DOK6: variants seen among roughly 807,000 people sequenced by gnomAD.
The protein encoded by DOK6 is downstream of tyrosine kinase 6.
DOK6 carries 22 observed loss-of-function variants against 44.0 expected under a neutral mutation model. The observed-to-expected ratio is 0.50, with a 90% confidence interval of 0.36 to 0.71. The LOEUF (loss-of-function observed/expected upper bound fraction) is 0.71. Ranked by LOEUF, DOK6 falls within the 30% of genes least tolerant of loss-of-function variation. The pLI is 0.00. For missense variants in DOK6, 340 were observed against 416.4 expected (o/e 0.82, Z 1.60); for synonymous variants, 166 against 145.5 (o/e 1.14, Z -1.01).
chr18:69,555,412 G>C (rs1019143852), intron 1 of DOK6, among the ~76,000 whole-genome samples: 1 of 152,132 alleles, frequency 6.6e-6, no homozygotes, highest in Non-Finnish European at 1.5e-5. Flanking sequence ...GAATCTGCCT[G>C]ATTTTGGGAT....
chr18:69,749,218 G>A (rs765728820), intron 6 of DOK6, among the ~76,000 whole-genome samples: 1 of 152,010 alleles, frequency 6.6e-6, no homozygotes, highest in Non-Finnish European at 1.5e-5. Flanking sequence ...CTAGGTGATG[G>A]GTTGATAGCT....
At chr18:69,683,334 G>C (rs1057045331) in intron 4 of DOK6, among the ~76,000 whole-genome samples, 1 of 152,172 alleles carries the variant, frequency 6.6e-6, no homozygotes, top group Non-Finnish European at 1.5e-5. Flanking sequence ...TATCACAATT[G>C]TGTCCCTTCC....
chr18:69,693,076 A>T (rs542136968), intron 4 of DOK6, among the ~76,000 whole-genome samples: 3 of 152,204 alleles, frequency 2.0e-5, no homozygotes, highest in Non-Finnish European at 2.9e-5. Context: ...TAAGAGGAAG[A>T]CAAGCTAAAA....
chr18:69,459,003 G>A (rs1240763314), intron 1 of DOK6, among the ~76,000 whole-genome samples: 1 of 151,840 alleles, frequency 6.6e-6, no homozygotes, highest in African/African-American at 2.4e-5. Flanking sequence ...GGCTGAGGCA[G>A]GAGAATTGCT....
intron 7 of DOK6, among the ~76,000 whole-genome samples, chr18:69,825,479 A>C (rs1981714984): frequency 8.2e-6 from 1 of 122,520 alleles, no homozygotes; most frequent in Admixed American, 1.1e-4. Context: ...TCTGTCACCC[A>C]GACTGGAATG....
intron 2 of DOK6, among the ~76,000 whole-genome samples, chr18:69,580,891 A>G (rs1284278437): frequency 6.6e-6 from 1 of 151,926 alleles, no homozygotes; most frequent in East Asian, 1.9e-4. Flanking sequence ...TATGAGCTCA[A>G]CTTTTTAGTT....
chr18:69,667,840 G>A (rs1599252789), intron 3 of DOK6, among the ~76,000 whole-genome samples: 1 of 152,034 alleles, frequency 6.6e-6, no homozygotes, highest in South Asian at 2.1e-4. Context: ...TTAGTTCCGT[G>A]ACTTTAAAAG....
chr18:69,466,125 T>C (rs142956153), intron 1 of DOK6, among the ~76,000 whole-genome samples: 122 of 152,310 alleles, frequency 8.0e-4, no homozygotes, highest in African/African-American at 2.6e-3. Context: ...ATTCATCCTG[T>C]CTAGCTGAAA....
At chr18:69,543,501 C>T (rs1599182846) in intron 1 of DOK6, among the ~76,000 whole-genome samples, 1 of 151,500 alleles carries the variant, frequency 6.6e-6, no homozygotes, top group African/African-American at 2.4e-5. Context: ...TTCTTTTTTT[C>T]CCCCAAGTCC....
At chr18:69,696,543 T>C (rs12958888) in intron 4 of DOK6, among the ~76,000 whole-genome samples, 58,863 of 152,002 alleles carry the variant, frequency 0.39, 11,715 homozygotes, top group Middle Eastern at 0.48. Flanking sequence ...AAGAAATGTT[T>C]TACTTTCCGT....
intron 5 of DOK6, among the ~76,000 whole-genome samples, chr18:69,717,261 T>C (rs1986905119): frequency 6.6e-6 from 1 of 152,176 alleles, no homozygotes. Flanking sequence ...ATGACAAAAG[T>C]TTTTGTAATA....
chr18:69,634,660 G>T (rs370488440), intron 3 of DOK6, among the ~76,000 whole-genome samples: 1 of 152,062 alleles, frequency 6.6e-6, no homozygotes, highest in Non-Finnish European at 1.5e-5. Flanking sequence ...CTGACTCTTT[G>T]CTTGGACTTA....
intron 3 of DOK6, among the ~76,000 whole-genome samples, chr18:69,610,449 T>G (rs758195386): frequency 1.3e-5 from 2 of 152,192 alleles, no homozygotes; most frequent in Non-Finnish European, 2.9e-5. Context: ...ATTAGAAATA[T>G]ATGCCTATCA....
chr18:69,605,980 A>T (rs1028190857), intron 3 of DOK6, among the ~76,000 whole-genome samples: 1 of 152,264 alleles, frequency 6.6e-6, no homozygotes. Context: ...GTCTATATTT[A>T]AAAAATCCCG....
intron 1 of DOK6, among the ~76,000 whole-genome samples, chr18:69,528,849 C>G (rs114046488): frequency 1.3e-5 from 2 of 152,276 alleles, no homozygotes; most frequent in South Asian, 4.1e-4. Flanking sequence ...TGAGTCTCAC[C>G]TTTTGCTAAA....
chr18:69,415,625 A>G (rs369790180), intron 1 of DOK6, among the ~76,000 whole-genome samples: 1 of 152,126 alleles, frequency 6.6e-6, no homozygotes, highest in East Asian at 1.9e-4. Flanking sequence ...AGATAGCCGT[A>G]TTGATATATT....
chr18:69,784,412 TTATA>T (rs1980370453), intron 7 of DOK6, among the ~76,000 whole-genome samples: 1 of 151,736 alleles, frequency 6.6e-6, no homozygotes, highest in East Asian at 1.9e-4. Flanking sequence ...TATGGAGTTT[TTATA>T]TATAAATAAA....
chr18:69,634,289 T>C (rs775833920), intron 3 of DOK6, among the ~76,000 whole-genome samples: 14 of 152,206 alleles, frequency 9.2e-5, no homozygotes, highest in Non-Finnish European at 1.5e-4. Context: ...TGAAATTTTC[T>C]CTTTGCACAG....
At chr18:69,805,760 A>ATACACATT (rs1301906718) in intron 7 of DOK6, among the ~76,000 whole-genome samples, 10 of 152,160 alleles carry the variant, frequency 6.6e-5, no homozygotes, top group African/African-American at 2.4e-4. Context: ...TTAACAAGCA[A>ATACACATT]TACACATTTT....
Sources: gnomAD v4.1 joint callset for allele counts (sites outside exome capture counted in the v4.1 genomes callset) on GRCh38, gnomAD v4.1.1 for gene constraint, MANE v1.5 for transcripts, NCBI Gene and HGNC (gene_info 2026-07-23, HGNC 2026-07-21) for gene names.